The following ZAP70 variants were observed in gnomAD, a reference collection of about 807,000 sequenced individuals.
ZAP70 encodes the protein zeta chain of T cell receptor associated protein kinase 70, also known as tyrosine-protein kinase ZAP-70.
A neutral mutation model predicts 65.8 loss-of-function variants in ZAP70; 27 were observed. The observed-to-expected ratio is 0.41, with a 90% confidence interval of 0.30 to 0.57. The LOEUF is 0.57. ZAP70 is among the 20% of genes least tolerant of loss of function. The pLI, the probability that ZAP70 is intolerant of heterozygous loss-of-function variation, is 0.28. For synonymous variants in ZAP70, 363 were observed against 360.8 expected, an observed-to-expected ratio of 1.01 and a Z score of -0.07; for missense variants, 696 against 870.5, an observed-to-expected ratio of 0.80 and a Z score of 2.52.
rs575547026 is a variant in ZAP70, at chr2:97,715,597, C to T, written c.-22+1603C>T. The stretch of plus-strand genomic sequence containing the variant: ...GGGTTGGGGAATCTGACCCTGACCC[C>T]GCACCAGCCCAGCTCTCCAGGGTCT... On this transcript the variant is annotated intron_variant, in intron 2 of 13. Coordinates refer to ENST00000264972, the MANE Select transcript of ZAP70 (RefSeq NM_001079.4). This position sits in a 1 kb window ranked among gnomAD's most constrained non-coding sequence, Gnocchi z 4.1. Among the ~76,000 whole-genome samples the T allele has an allele frequency of 3.4e-4, 52 of 152,290 alleles. No homozygotes were observed. Among genetic ancestry groups the T allele is most frequent in the African/African-American group, 1.2e-3 (49 of 41,552 alleles).
chr2:97,724,589 A>G, intron 3 of ZAP70, 151 bp downstream of exon 3: 2 of 1,534,028 alleles, frequency 1.3e-6, no homozygotes, highest in South Asian at 1.2e-5. Flanking sequence ...TTGGGGAAGA[A>G]CCTGAAAGGA....
Position 97,737,385 on chromosome 2 carries a change from A to G in ZAP70, c.1290-88A>G. The G allele has an allele frequency of 6.9e-7, 1 of 1,445,502 alleles. No homozygotes were observed. The highest frequency in any genetic ancestry group is 2.3e-5 in the East Asian group (1 of 43,724). The allele number at this position is 1,445,502 out of a possible 1,614,324, so 89.5% of individuals were successfully genotyped here. ...TTTTGAACACATGGTCACCTGGCTC[A>G]TGCCCAGCTGGGTCAGAGAAGCATG... On this transcript the variant is annotated intron_variant, in intron 10 of 13. Coordinates refer to ENST00000264972, the MANE Select transcript of ZAP70 (RefSeq NM_001079.4). This position sits in a 1 kb window ranked among gnomAD's most constrained non-coding sequence, Gnocchi z 5.0.
chr2:97,742,281 T>G (rs549532011), downstream of ZAP70, among the ~76,000 whole-genome samples: 26 of 152,366 alleles, frequency 1.7e-4, no homozygotes, highest in African/African-American at 6.3e-4. Flanking sequence ...TAAAAACATT[T>G]TTTAATTTTA....
rs977164665 is a variant in ZAP70, at chr2:97,737,341, G to A, written c.1290-132G>A. The A allele has an allele frequency of 1.0e-5, 9 of 898,592 alleles. No individual in the cohort carries two copies. The highest frequency in any genetic ancestry group is 4.4e-5 in the South Asian group (3 of 68,920). The allele number at this position is 898,592 out of a possible 1,614,324, so 55.7% of individuals were successfully genotyped here. ...TCCCCAGCCCCACGCCTGGCACACA[G>A]CAGGTGCTCAATAAGCGTTTTTGAA... On this transcript the variant is annotated intron_variant, in intron 10 of 13. Transcript: ENST00000264972. The surrounding 1 kb of genome is among the most constrained non-coding windows in gnomAD (Gnocchi z 5.0).
chr2:97,744,092 G>A (rs1056502725), downstream of ZAP70, among the ~76,000 whole-genome samples: 1 of 152,198 alleles, frequency 6.6e-6, no homozygotes, highest in Non-Finnish European at 1.5e-5. Context: ...ATGAGGCACC[G>A]GAAGTTCAGG....
At chr2:97,751,217 T>C in the ZAP70 span, among the ~76,000 whole-genome samples, 9 of 152,346 alleles carry the variant, frequency 5.9e-5, no homozygotes, top group East Asian at 1.7e-3. Context: ...ATGGGGAGCA[T>C]ATTATTATAA....
intron 13 of ZAP70, chr2:97,738,496 CA>C (rs1343632733): frequency 9.6e-6 from 3 of 312,392 alleles, no homozygotes; most frequent in African/African-American, 6.4e-5. Flanking sequence ...ACACAGCACC[CA>C]ACTACCAGAC....
At chr2:97,749,195 G>A in the ZAP70 span, among the ~76,000 whole-genome samples, 1 of 151,972 alleles carries the variant, frequency 6.6e-6, no homozygotes, top group African/African-American at 2.4e-5. Flanking sequence ...ATTTTTAGTA[G>A]AGACGGGGTT....
At position 97,737,249 on chromosome 2, in the gene ZAP70, TG is replaced by T. The variant is rs1054951685; in HGVS notation, c.1290-221del. ...GTCTAGACTTGGGAGTCGTAGCGTGTGGGTGATCCCTAAAGCCTTGAGACTG... is the reference window on the plus strand; with the variant it reads ...GTCTAGACTTGGGAGTCGTAGCGTGTGGTGATCCCTAAAGCCTTGAGACTG... On this transcript the variant is annotated intron_variant, in intron 10 of 13. Coordinates refer to ENST00000264972, the MANE Select transcript of ZAP70 (RefSeq NM_001079.4). The surrounding 1 kb of genome is among the most constrained non-coding windows in gnomAD (Gnocchi z 5.0). Among the ~76,000 whole-genome samples, 1 of 152,134 alleles carries T rather than the reference TG, an allele frequency of 6.6e-6. No homozygotes were observed. The highest frequency in any genetic ancestry group is 1.5e-5 in the Non-Finnish European group (1 of 68,012).
At chr2:97,730,042 C>A (rs1225276493) in intron 4 of ZAP70, among the ~76,000 whole-genome samples, 1 of 152,138 alleles carries the variant, frequency 6.6e-6, no homozygotes, top group Admixed American at 6.5e-5. Context: ...GCCTGGCCAA[C>A]ATGGTGAAAC....
intron 4 of ZAP70, among the ~76,000 whole-genome samples, chr2:97,726,296 C>T (rs1011313485): frequency 6.6e-6 from 1 of 152,192 alleles, no homozygotes; most frequent in Non-Finnish European, 1.5e-5. Flanking sequence ...GGGGCTGTTG[C>T]TCTCTGGTTT....
intron 13 of ZAP70, 144 bp downstream of exon 13, chr2:97,738,251 A>G: frequency 1.3e-6 from 1 of 786,508 alleles, no homozygotes. Flanking sequence ...GCTGCCCCCT[A>G]CCCCCACACC....
rs1221130070 is a variant in ZAP70, at chr2:97,735,352, C to T, written c.1185C>T (p.Asn395=). Residue 395 remains asparagine (N), a synonymous_variant, in exon 10 of 14, where the codon AAC becomes AAT. Transcript: ENST00000264972. ...CGCAGATCATGCACCAGCTGGACAA[C>T]CCCTACATCGTGCGGCTCATTGGCG... The part of the protein sequence containing the change: ...REAQIMHQLD[N]PYIVRLIGVC... The T allele has an allele frequency of 1.9e-6, 3 of 1,614,162 alleles. No individual in the cohort carries two copies. Among genetic ancestry groups the T allele is most frequent in the Admixed American group, 1.7e-5 (1 of 60,038 alleles).
At chr2:97,754,439 T>A in the ZAP70 span, among the ~76,000 whole-genome samples, 1 of 152,124 alleles carries the variant, frequency 6.6e-6, no homozygotes, top group Non-Finnish European at 1.5e-5. Context: ...TTGCTCTGTC[T>A]GTCTCCAGGC....
chr2:97,724,051 G>T lies in ZAP70; in HGVS notation c.15G>T (p.Ala5=), dbSNP rs1164971313. The part of the protein sequence containing the change: MPDP[A]AHLPFFYGSI... ...GCCCAGGGGCGATGCCAGACCCCGC[G>T]GCGCACCTGCCCTTCTTCTACGGCA... Residue 5 remains alanine (A), a synonymous_variant, in exon 3 of 14, where the codon GCG becomes GCT. Coordinates refer to ENST00000264972, the MANE Select transcript of ZAP70 (RefSeq NM_001079.4). 14 of 1,553,438 alleles carry T rather than the reference G, an allele frequency of 9.0e-6. No homozygotes were observed. The highest frequency in any genetic ancestry group is 2.1e-4 in the Middle Eastern group (1 of 4,838).
the ZAP70 span, among the ~76,000 whole-genome samples, chr2:97,746,819 T>C: frequency 1.3e-5 from 2 of 152,184 alleles, no homozygotes; most frequent in East Asian, 3.8e-4. Context: ...TACTTGCAAA[T>C]CATATATTGG....
chr2:97,753,276 CTCTT>C, the ZAP70 span, among the ~76,000 whole-genome samples: 5 of 152,244 alleles, frequency 3.3e-5, no homozygotes, highest in East Asian at 5.8e-4. Context: ...TATAATTTCC[CTCTT>C]TCTTCTCTTA....
At chr2:97,754,310 G>T in the ZAP70 span, among the ~76,000 whole-genome samples, 8 of 152,282 alleles carry the variant, frequency 5.3e-5, no homozygotes, top group African/African-American at 1.7e-4. Flanking sequence ...GTTTGGTCGG[G>T]GGGGGTCTCA....
intron 2 of ZAP70, among the ~76,000 whole-genome samples, chr2:97,717,507 G>C (rs930319746): frequency 4.6e-5 from 7 of 151,392 alleles, no homozygotes; most frequent in South Asian, 2.1e-4. Context: ...GCCTCTGGCT[G>C]GGGGGACATG....
Sources: allele counts gnomAD v4.1 joint callset (sites outside exome capture counted in the v4.1 genomes callset), GRCh38; gene constraint gnomAD v4.1.1; non-coding constraint Gnocchi (gnomAD v3.1); transcripts MANE v1.5; gene names NCBI Gene and HGNC (gene_info 2026-07-23, HGNC 2026-07-21).